The following TRMT11 variants were observed in gnomAD, a reference collection of about 807,000 sequenced individuals.
The protein encoded by TRMT11 is tRNA methyltransferase 11.
TRMT11 carries 53 observed loss-of-function variants against 62.8 expected under a neutral mutation model. The ratio of observed to expected loss-of-function variants is 0.84; its 90% CI spans 0.68 to 1.06. The LOEUF (loss-of-function observed/expected upper bound fraction) is 1.06. TRMT11 is among the 50% of genes least tolerant of loss of function. TRMT11 has a pLI of 0.00. For missense variants in TRMT11, 556 were observed against 553.4 expected (o/e 1.00, Z -0.05); for synonymous variants, 188 against 190.3 (o/e 0.99, Z 0.10).
At chr6:126,150,100 C>A (rs191607288) in intron 21 of TRMT11, among the ~76,000 whole-genome samples, 1 of 152,152 alleles carries the variant, frequency 6.6e-6, no homozygotes, top group Non-Finnish European at 1.5e-5. Flanking sequence ...ATAGATTAGT[C>A]CATTCATGGA....
intron 2 of TRMT11, 33 bp from the exon 3 acceptor site, chr6:125,995,934 T>C: frequency 7.3e-7 from 1 of 1,377,798 alleles, no homozygotes; most frequent in Non-Finnish European, 1.0e-6. Flanking sequence ...TGTAGCCACT[T>C]AGAATTAAGT....
chr6:126,219,996 C>G, the TRMT11 span, among the ~76,000 whole-genome samples: 1 of 152,104 alleles, frequency 6.6e-6, no homozygotes, highest in South Asian at 2.1e-4. Context: ...CTGGCTTATT[C>G]TTTGTGTAAC....
At chr6:126,259,143 A>T in the TRMT11 span, among the ~76,000 whole-genome samples, 2 of 152,202 alleles carry the variant, frequency 1.3e-5, no homozygotes, top group Non-Finnish European at 2.9e-5. Flanking sequence ...GTTCCTGTAA[A>T]GGACATGATC....
In TRMT11 at chr6:126,093,560, CTAGTG is replaced by C. The variant is rs1445231009; in HGVS notation, c.*1438-19302_*1438-19298del. Among the ~76,000 whole-genome samples the C allele has an allele frequency of 5.1e-5, 6 of 118,550 alleles. No homozygotes were observed. In the South Asian group the frequency reaches 8.6e-4, roughly 17 times the overall value. 77.8% of individuals were successfully genotyped at this position (118,550 alleles called of 152,430 possible). On this transcript the variant is annotated intron_variant and NMD_transcript_variant, in intron 17 of 22. Coordinates refer to the TRMT11 transcript ENST00000648977. ...TCTTCAAATTGTCTTATTTGGTACT[CTAGTG>C]TAGGTAACAGGATATGTATGTATAT...
At chr6:126,153,327 C>T (rs1174861762) in intron 21 of TRMT11, among the ~76,000 whole-genome samples, 2 of 152,092 alleles carry the variant, frequency 1.3e-5, no homozygotes, top group Non-Finnish European at 2.9e-5. Context: ...AAACATTTCC[C>T]TAAAGTGTGT....
chr6:126,083,032 G>C (rs1420041346), intron 17 of TRMT11, among the ~76,000 whole-genome samples: 3 of 152,110 alleles, frequency 2.0e-5, no homozygotes, highest in Non-Finnish European at 4.4e-5. Context: ...CAAATCACCT[G>C]ATTATAAAAT....
chr6:126,026,468 C>T (rs1391307497), intron 12 of TRMT11, among the ~76,000 whole-genome samples: 1 of 152,052 alleles, frequency 6.6e-6, no homozygotes, highest in Non-Finnish European at 1.5e-5. Flanking sequence ...TCACTGCAAC[C>T]TCCGCCTTCT....
At chr6:126,036,871 T>A (rs1343682533) in intron 12 of TRMT11, among the ~76,000 whole-genome samples, 1 of 152,120 alleles carries the variant, frequency 6.6e-6, no homozygotes, top group Non-Finnish European at 1.5e-5. Flanking sequence ...ACAGTCCTGA[T>A]ATGTGGACCA....
In TRMT11 at chr6:126,000,367, G is replaced by A. The variant is rs552398390; in HGVS notation, c.679+754G>A. 2.0e-5 allele frequency among the ~76,000 whole-genome samples: 3 copies of A among 152,178 alleles called. No homozygotes were observed. In the South Asian group the frequency reaches 6.2e-4, roughly 32 times the overall value. ...TGTCCCTGTAGCCATCTTTCCCCTT[G>A]GGCAGTGATGATGCAGAGCTAACGT... On this transcript the variant is annotated intron_variant, in intron 7 of 12. Coordinates refer to ENST00000334379, the MANE Select transcript of TRMT11 (RefSeq NM_001031712.3).
intron 1 of TRMT11, among the ~76,000 whole-genome samples, chr6:126,182,562 G>A (rs1247963568): frequency 1.3e-5 from 2 of 151,794 alleles, no homozygotes; most frequent in Non-Finnish European, 2.9e-5. Flanking sequence ...GATCAGTATG[G>A]TAGCCTGACC....
At chr6:126,132,949 G>A (rs1190390846) in intron 21 of TRMT11, among the ~76,000 whole-genome samples, 2 of 151,966 alleles carry the variant, frequency 1.3e-5, no homozygotes, top group South Asian at 2.1e-4. Context: ...TTAAAGGCAT[G>A]TGTATTTAAA....
chr6:126,047,482 AGAG>A (rs1248644175), intron 16 of TRMT11, among the ~76,000 whole-genome samples: 1 of 151,952 alleles, frequency 6.6e-6, no homozygotes, highest in Non-Finnish European at 1.5e-5. Flanking sequence ...CATCCCGCTG[AGAG>A]CCACCTCTAC....
chr6:126,249,363 C>T, the TRMT11 span, among the ~76,000 whole-genome samples: 1 of 152,026 alleles, frequency 6.6e-6, no homozygotes, highest in African/African-American at 2.4e-5. Flanking sequence ...TTTCCAACAG[C>T]AAGTTAATGA....
At chr6:126,043,693 C>T (rs1169304868), downstream of TRMT11, among the ~76,000 whole-genome samples, 1 of 151,944 alleles carries the variant, frequency 6.6e-6, no homozygotes, top group Non-Finnish European at 1.5e-5. Flanking sequence ...GTTCCTATTT[C>T]TCCACATCCT....
chr6:126,124,704 C>G (rs80277129), intron 21 of TRMT11, among the ~76,000 whole-genome samples: 1 of 152,164 alleles, frequency 6.6e-6, no homozygotes, highest in Admixed American at 6.5e-5. Context: ...CACATAGTCA[C>G]CCTAGCCAAA....
At chr6:126,243,636 G>T in the TRMT11 span, among the ~76,000 whole-genome samples, 1 of 152,150 alleles carries the variant, frequency 6.6e-6, no homozygotes, top group Non-Finnish European at 1.5e-5. Context: ...CCTTTGTAGG[G>T]ACATGGATGA....
At chr6:126,198,319 TCAAA>T (rs1778691577) in intron 1 of TRMT11, among the ~76,000 whole-genome samples, 1 of 152,190 alleles carries the variant, frequency 6.6e-6, no homozygotes, top group South Asian at 2.1e-4. Context: ...CTACTGTCTA[TCAAA>T]CAAATTTGTC....
At chr6:126,247,477 C>CTATCTGTT in the TRMT11 span, among the ~76,000 whole-genome samples, 12 of 148,550 alleles carry the variant, frequency 8.1e-5, no homozygotes, top group African/African-American at 2.7e-4. Context: ...ATCTATCTAT[C>CTATCTGTT]TATCTATCTA....
chr6:126,181,005 T>C (rs1778459088), intron 1 of TRMT11, among the ~76,000 whole-genome samples: 1 of 152,226 alleles, frequency 6.6e-6, no homozygotes, highest in Non-Finnish European at 1.5e-5. Flanking sequence ...AAGAACACAA[T>C]TTTCTCAAGA....
Sources: allele counts gnomAD v4.1 joint callset (sites outside exome capture counted in the v4.1 genomes callset), GRCh38; gene constraint gnomAD v4.1.1; transcripts MANE v1.5; gene names NCBI Gene and HGNC (gene_info 2026-07-23, HGNC 2026-07-21).